The following IFTAP variants were observed in gnomAD, a reference collection of about 807,000 sequenced individuals.
The protein encoded by IFTAP is intraflagellar transport-associated protein.
Under a neutral mutation model 19.4 loss-of-function variants are expected in IFTAP, and 19 were observed. The observed-to-expected ratio is 0.98, with a 90% CI of 0.68 to 1.44. The LOEUF is 1.44. IFTAP is among the 40% of genes most tolerant of loss of function. The pLI is 0.00. For synonymous variants in IFTAP, 85 were observed against 83.5 expected, an observed-to-expected ratio of 1.02 and a Z score of -0.10; for missense variants, 240 against 253.6, an observed-to-expected ratio of 0.95 and a Z score of 0.36.
chr11:36,640,493 A>C (rs1423063471), intron 4 of IFTAP, among the ~76,000 whole-genome samples: 4 of 152,128 alleles, frequency 2.6e-5, no homozygotes, highest in Non-Finnish European at 4.4e-5. Flanking sequence ...TTGTGGAAAA[A>C]CACTTGGGTG....
intron 4 of IFTAP, among the ~76,000 whole-genome samples, chr11:36,641,265 T>A (rs1238158899): frequency 6.6e-6 from 1 of 152,194 alleles, no homozygotes; most frequent in Non-Finnish European, 1.5e-5. Flanking sequence ...AATAGATTTT[T>A]AATAAAAATA....
At chr11:36,634,611 T>C (rs1852865215) in intron 3 of IFTAP, among the ~76,000 whole-genome samples, 2 of 152,192 alleles carry the variant, frequency 1.3e-5, no homozygotes, top group African/African-American at 4.8e-5. Context: ...GGCCAAAAAG[T>C]ATTTTTTCAG....
At chr11:36,650,522 T>G (rs1363481085) in intron 5 of IFTAP, among the ~76,000 whole-genome samples, 1 of 149,030 alleles carries the variant, frequency 6.7e-6, no homozygotes. Flanking sequence ...TTCAGATTTT[T>G]TCCCTAATTT....
intron 2 of IFTAP, among the ~76,000 whole-genome samples, chr11:36,616,030 A>T (rs764217485): frequency 6.6e-5 from 10 of 152,018 alleles, no homozygotes; most frequent in Non-Finnish European, 1.2e-4. Flanking sequence ...TGTTGCTGTC[A>T]CACAGAGATT....
intron 5 of IFTAP, 84 bp from the exon 6 acceptor site, chr11:36,658,935 A>C: frequency 2.0e-6 from 2 of 1,007,766 alleles, no homozygotes; most frequent in Non-Finnish European, 2.8e-6. Context: ...GTTTAATTAA[A>C]TATTAATAGG....
intron 3 of IFTAP, among the ~76,000 whole-genome samples, chr11:36,635,065 A>G (rs1852885147): frequency 1.3e-5 from 2 of 152,294 alleles, no homozygotes; most frequent in South Asian, 2.1e-4. Context: ...AACTGCAGGT[A>G]TGTACTTAAA....
At chr11:36,609,258 T>G (rs1851793067) in intron 1 of IFTAP, among the ~76,000 whole-genome samples, 2 of 152,074 alleles carry the variant, frequency 1.3e-5, no homozygotes, top group Admixed American at 6.6e-5. Context: ...TTTGTTACAG[T>G]GAATGAAATG....
intron 1 of IFTAP, among the ~76,000 whole-genome samples, chr11:36,603,561 T>C (rs1158926664): frequency 6.6e-6 from 1 of 152,168 alleles, no homozygotes; most frequent in Non-Finnish European, 1.5e-5. Context: ...GTTAACATCA[T>C]GCATAAGTTT....
At chr11:36,602,104 T>C (rs1396322716) in intron 1 of IFTAP, among the ~76,000 whole-genome samples, 4 of 152,242 alleles carry the variant, frequency 2.6e-5, no homozygotes, top group African/African-American at 9.6e-5. Flanking sequence ...TTGTATTACC[T>C]CTTATAGCCC....
chr11:36,643,720 C>A (rs1853337076), intron 4 of IFTAP, among the ~76,000 whole-genome samples: 2 of 152,172 alleles, frequency 1.3e-5, no homozygotes, highest in Non-Finnish European at 2.9e-5. Context: ...TGATCTTTGA[C>A]AAACTTAACT....
At chr11:36,622,966 A>G (rs2133419797) in intron 2 of IFTAP, among the ~76,000 whole-genome samples, 1 of 152,212 alleles carries the variant, frequency 6.6e-6, no homozygotes, top group East Asian at 1.9e-4. Flanking sequence ...CCTCTGGTGG[A>G]TGGATGCAAT....
intron 1 of IFTAP, among the ~76,000 whole-genome samples, chr11:36,598,893 C>T (rs768519513): frequency 1.2e-4 from 18 of 152,062 alleles, no homozygotes; most frequent in Non-Finnish European, 1.9e-4. Flanking sequence ...AAAAAGTTGT[C>T]GGGAAAAGAT....
intron 4 of IFTAP, among the ~76,000 whole-genome samples, chr11:36,645,310 T>C (rs1265783255): frequency 6.6e-6 from 1 of 152,132 alleles, no homozygotes; most frequent in Non-Finnish European, 1.5e-5. Flanking sequence ...ATAGTAGAAT[T>C]TCTAAACACG....
intron 1 of IFTAP, among the ~76,000 whole-genome samples, chr11:36,609,442 G>C (rs116321278): frequency 6.6e-6 from 1 of 152,250 alleles, no homozygotes; most frequent in African/African-American, 2.4e-5. Flanking sequence ...CTGTCCAAAG[G>C]CTTTTTTGGA....
intron 5 of IFTAP, 49 bp downstream of exon 5, chr11:36,648,204 A>T (rs1385429466): frequency 6.3e-7 from 1 of 1,577,400 alleles, no homozygotes; most frequent in Non-Finnish European, 8.6e-7. Context: ...TGATTTTGTA[A>T]TTCATCCCTT....
Position 36,648,043 on chromosome 11 carries a change from A to C in IFTAP, c.386A>C (p.Glu129Ala). Reference sequence around the variant, plus strand: ...TTGCTGCTGCTTCCAGGAGAAGTGGAGCAGGATGTAAGCACCAGCATTCCT... The same window carrying C: ...TTGCTGCTGCTTCCAGGAGAAGTGGCGCAGGATGTAAGCACCAGCATTCCT... The part of the protein sequence containing the change: ...EDLLLLPGEV[E>A]QDVSTSIPSC... Residue 129 changes from glutamate to alanine, a missense_variant, in exon 5 of 6, where the codon GAG (glutamate) becomes GCG (alanine). Glu to Ala is a moderately radical substitution (Grantham distance 107, BLOSUM62 -1). Coordinates refer to ENST00000334307, the MANE Select transcript of IFTAP (RefSeq NM_138787.4). 1 of 1,613,320 alleles carries C rather than the reference A, an allele frequency of 6.2e-7. No homozygotes were observed. The highest frequency in any genetic ancestry group is 1.1e-5 in the South Asian group (1 of 90,984).
At chr11:36,641,798 T>C (rs1853214214) in intron 4 of IFTAP, among the ~76,000 whole-genome samples, 1 of 152,186 alleles carries the variant, frequency 6.6e-6, no homozygotes, top group Non-Finnish European at 1.5e-5. Flanking sequence ...GTCCGCTTCG[T>C]GCAAAGCTGA....
intron 2 of IFTAP, among the ~76,000 whole-genome samples, chr11:36,628,261 G>A (rs1388179437): frequency 6.6e-6 from 1 of 151,038 alleles, no homozygotes; most frequent in East Asian, 1.9e-4. Flanking sequence ...GGAATAATCG[G>A]CGATTCTTAC....
intron 3 of IFTAP, among the ~76,000 whole-genome samples, chr11:36,635,535 G>A (rs1415901900): frequency 2.0e-5 from 3 of 152,106 alleles, no homozygotes; most frequent in African/African-American, 7.2e-5. Context: ...TTTTTGCCCT[G>A]CTCACATCTC....
Sources: gnomAD v4.1 joint callset for allele counts (sites outside exome capture counted in the v4.1 genomes callset) on GRCh38, gnomAD v4.1.1 for gene constraint, MANE v1.5 for transcripts, NCBI Gene and HGNC (gene_info 2026-07-23, HGNC 2026-07-21) for gene names.